Variants in TG observed in about 807,000 individuals in gnomAD.
TG encodes the protein thyroid hormones.
In TG, 270 loss-of-function variants were observed where a neutral mutation model predicts 324.7. The observed-to-expected ratio is 0.83, with a 90% CI of 0.75 to 0.92. The LOEUF is 0.92. TG is among the 40% of genes least tolerant of loss of function. The pLI is 0.00. For missense variants in TG, 3,591 were observed against 3,456.4 expected (o/e 1.04, Z -0.98); for synonymous variants, 1,401 against 1,327.0 (o/e 1.06, Z -1.21).
At chr8:133,031,052 C>T (rs184589789) in intron 41 of TG, among the ~76,000 whole-genome samples, 1 of 152,280 alleles carries the variant, frequency 6.6e-6, no homozygotes, top group East Asian at 1.9e-4. Flanking sequence ...AAGTACATTC[C>T]CAATGTTGTG....
At chr8:133,018,903 A>T (rs992408592) in intron 38 of TG, among the ~76,000 whole-genome samples, 6 of 152,194 alleles carry the variant, frequency 3.9e-5, no homozygotes, top group Non-Finnish European at 8.8e-5. Flanking sequence ...TTCAGCTAGG[A>T]TGGTGGCAGT....
intron 41 of TG, chr8:133,074,738 A>G (rs985803006): frequency 8.1e-6 from 4 of 491,486 alleles, no homozygotes; most frequent in Admixed American, 1.3e-4. Context: ...ACATTGCCCC[A>G]CCTGTTCTCA....
chr8:133,085,512 AAGAC>A (rs745310266), intron 41 of TG, among the ~76,000 whole-genome samples: 22 of 152,338 alleles, frequency 1.4e-4, no homozygotes, highest in Non-Finnish European at 2.9e-4. Flanking sequence ...CAGTAACAAA[AAGAC>A]AGATAACTCA....
At chr8:133,076,425 A>G (rs1396667902) in intron 41 of TG, among the ~76,000 whole-genome samples, 1 of 152,250 alleles carries the variant, frequency 6.6e-6, no homozygotes, top group Non-Finnish European at 1.5e-5. Context: ...CACTAGAGAG[A>G]TGGTTCCTTA....
At chr8:132,870,899 G>T (rs1587164535) in intron 3 of TG, among the ~76,000 whole-genome samples, 1 of 152,242 alleles carries the variant, frequency 6.6e-6, no homozygotes. Context: ...CCACTTCCAG[G>T]ACTCAAACAC....
At chr8:133,066,919 C>T (rs996819326) in intron 41 of TG, among the ~76,000 whole-genome samples, 1 of 152,160 alleles carries the variant, frequency 6.6e-6, no homozygotes, top group Non-Finnish European at 1.5e-5. Flanking sequence ...CAAGTACCTT[C>T]CTCTGTCTGG....
intron 35 of TG, among the ~76,000 whole-genome samples, chr8:132,984,186 T>C (rs1831245827): frequency 6.6e-6 from 1 of 152,236 alleles, no homozygotes; most frequent in Non-Finnish European, 1.5e-5. Context: ...TCCTGTGACA[T>C]GATGTCTAAG....
chr8:132,929,271 A>G (rs1428667050), intron 23 of TG, 79 bp downstream of exon 23: 2 of 1,052,186 alleles, frequency 1.9e-6, no homozygotes, highest in Non-Finnish European at 1.5e-6. Context: ...GACAAACCAA[A>G]TCAAACCATT....
intron 43 of TG, chr8:133,102,432 C>T: frequency 1.2e-6 from 1 of 865,650 alleles, no homozygotes; most frequent in Non-Finnish European, 1.8e-6. Context: ...TTCTTCAGAC[C>T]AAAGACGGAG....
intron 41 of TG, among the ~76,000 whole-genome samples, chr8:133,057,332 C>A (rs1841629018): frequency 6.6e-6 from 1 of 152,154 alleles, no homozygotes; most frequent in Non-Finnish European, 1.5e-5. Context: ...TCCTGTACTG[C>A]CCATGTCTGG....
chr8:132,886,355 C>T, intron 8 of TG, 93 bp from the exon 9 acceptor site: 2 of 1,543,510 alleles, frequency 1.3e-6, no homozygotes, highest in Non-Finnish European at 1.8e-6. Flanking sequence ...ATTGAATGTT[C>T]TGGCTTCTTA....
Position 132,887,357 on chromosome 8 carries a change from G to A in TG, c.1985G>A (p.Cys662Tyr). 6.2e-7 allele frequency: 1 copy of A among 1,613,940 alleles called. No individual in the cohort carries two copies. Among genetic ancestry groups the A allele is most frequent in the East Asian group, 2.2e-5 (1 of 44,870 alleles). Residue 662 changes from cysteine (C) to tyrosine (Y), a missense_variant, in exon 9 of 48, where the codon TGT (cysteine) becomes TAT (tyrosine). Cys to Tyr is a radical substitution (Grantham distance 194). Transcript: ENST00000220616. Reference protein sequence around the residue: ...RGGQPRCPTDCEKQRARMQSL... With the variant: ...RGGQPRCPTDYEKQRARMQSL... ...GGACAGCCAAGGTGCCCCACAGACTGTGAAAAGCAAAGGGCTCGCATGCAA... is the reference window on the plus strand; with the variant it reads ...GGACAGCCAAGGTGCCCCACAGACTATGAAAAGCAAAGGGCTCGCATGCAA...
intron 32 of TG, among the ~76,000 whole-genome samples, chr8:132,970,208 T>C (rs1051872596): frequency 4.6e-5 from 7 of 152,080 alleles, no homozygotes; most frequent in South Asian, 2.1e-4. Flanking sequence ...ATAATTTTTA[T>C]TTTTTATTTT....
intron 21 of TG, 138 bp downstream of exon 21, chr8:132,919,663 A>G: frequency 8.6e-7 from 1 of 1,162,712 alleles, no homozygotes; most frequent in Non-Finnish European, 1.3e-6. Flanking sequence ...TTGGTAGGAT[A>G]TTTAGTAGCA....
intron 47 of TG, 89 bp from the exon 48 acceptor site, chr8:133,134,587 G>T (rs1852209340): frequency 5.0e-6 from 6 of 1,203,068 alleles, no homozygotes; most frequent in Non-Finnish European, 7.4e-6. Flanking sequence ...TCCACTGGAG[G>T]CTGGGGTCTC....
At chr8:133,106,053 T>G (rs1233420810) in intron 43 of TG, among the ~76,000 whole-genome samples, 1 of 151,578 alleles carries the variant, frequency 6.6e-6, no homozygotes, top group Non-Finnish European at 1.5e-5. Flanking sequence ...TGTTGGGGAC[T>G]GCCAGGCAGG....
chr8:132,979,447 T>C (rs1421657830), intron 34 of TG, among the ~76,000 whole-genome samples: 2 of 152,228 alleles, frequency 1.3e-5, no homozygotes, highest in African/African-American at 4.8e-5. Flanking sequence ...GACAAGCTCT[T>C]CTAATTATGT....
At chr8:132,894,731 G>A (rs1286550044) in intron 11 of TG, among the ~76,000 whole-genome samples, 1 of 152,182 alleles carries the variant, frequency 6.6e-6, no homozygotes, top group African/African-American at 2.4e-5. Context: ...AAAGTGCCAG[G>A]ATTACAGGCA....
At chr8:132,940,126 G>A (rs554122983) in intron 25 of TG, among the ~76,000 whole-genome samples, 1 of 152,248 alleles carries the variant, frequency 6.6e-6, no homozygotes, top group South Asian at 2.1e-4. Context: ...TCTGAAGCTC[G>A]TGCTCTTGGG....
Sources: gnomAD v4.1 joint callset for allele counts (sites outside exome capture counted in the v4.1 genomes callset) on GRCh38, gnomAD v4.1.1 for gene constraint, MANE v1.5 for transcripts, NCBI Gene and HGNC (gene_info 2026-07-23, HGNC 2026-07-21) for gene names.